Variants in ST3GAL3 observed in about 807,000 individuals in gnomAD.
ST3GAL3 encodes the protein ST3 beta-galactoside alpha-2,3-sialyltransferase 3, also known as CMP-N-acetylneuraminate-beta-1,4-galactoside alpha-2,3-sialyltransferase.
Under a neutral mutation model 50.1 loss-of-function variants are expected in ST3GAL3, and 21 were observed. The observed-to-expected ratio is 0.42, with a 90% CI of 0.30 to 0.60. The LOEUF (loss-of-function observed/expected upper bound fraction) is 0.60, where lower values mean the gene tolerates loss of function less well. ST3GAL3 is among the 20% of genes least tolerant of loss of function. The probability of loss-of-function intolerance (pLI) is 0.19; values close to 1 mark genes in which losing one functional copy is unlikely to be tolerated. For missense variants in ST3GAL3, 353 were observed against 489.4 expected (o/e 0.72, Z 2.63); for synonymous variants, 183 against 190.0 (o/e 0.96, Z 0.30).
chr1:43,714,432 C>CAAAAAAAAAA (rs35400929), intron 1 of ST3GAL3, among the ~76,000 whole-genome samples: 91 of 72,964 alleles, frequency 1.2e-3, no homozygotes, highest in East Asian at 2.2e-3. Context: ...TACTAAAATA[C>CAAAAAAAAAA]AAAAAAAAAA....
intron 9 of ST3GAL3, among the ~76,000 whole-genome samples, chr1:43,918,098 C>T (rs1229597665): frequency 2.1e-5 from 3 of 142,644 alleles, no homozygotes; most frequent in Admixed American, 1.5e-4. Context: ...ATAAAATAGA[C>T]ATCTAAATTT....
intron 2 of ST3GAL3, among the ~76,000 whole-genome samples, chr1:43,773,882 G>A (rs1476533576): frequency 6.6e-6 from 1 of 152,200 alleles, no homozygotes; most frequent in African/African-American, 2.4e-5. Context: ...CTGATGTGAT[G>A]CAGTAAGAAA....
intron 2 of ST3GAL3, among the ~76,000 whole-genome samples, chr1:43,744,102 A>G (rs1015638051): frequency 6.6e-6 from 1 of 152,130 alleles, no homozygotes; most frequent in Non-Finnish European, 1.5e-5. Context: ...ACCTTGTTTG[A>G]TTGGAGAATT....
intron 5 of ST3GAL3, among the ~76,000 whole-genome samples, chr1:43,890,576 A>G (rs959682482): frequency 3.9e-5 from 6 of 152,216 alleles, no homozygotes; most frequent in African/African-American, 1.4e-4. Flanking sequence ...AGAGAGACGA[A>G]GTGGAAAGTG....
intron 9 of ST3GAL3, chr1:43,913,481 C>T (rs1304505438): frequency 6.6e-6 from 1 of 152,118 alleles, no homozygotes; most frequent in African/African-American, 2.4e-5. Flanking sequence ...ACTCCCAAAG[C>T]TGCAGTGGTA....
At chr1:43,903,946 A>C (rs560784103) in intron 9 of ST3GAL3, among the ~76,000 whole-genome samples, 31 of 152,324 alleles carry the variant, frequency 2.0e-4, no homozygotes, top group Non-Finnish European at 3.8e-4. Flanking sequence ...GAAATCTAGA[A>C]GCATCTAGCA....
At chr1:43,817,053 T>C (rs1479638682) in intron 4 of ST3GAL3, among the ~76,000 whole-genome samples, 1 of 152,238 alleles carries the variant, frequency 6.6e-6, no homozygotes, top group Non-Finnish European at 1.5e-5. Flanking sequence ...AGTTGTGTTA[T>C]ATTCTATTTC....
chr1:43,878,619 A>G (rs1376530968), intron 5 of ST3GAL3, among the ~76,000 whole-genome samples: 1 of 152,208 alleles, frequency 6.6e-6, no homozygotes, highest in Admixed American at 6.5e-5. Flanking sequence ...GGAGAGTAGT[A>G]GGAGATGAGA....
chr1:43,852,412 T>C (rs2154214985), intron 5 of ST3GAL3, among the ~76,000 whole-genome samples: 1 of 152,348 alleles, frequency 6.6e-6, no homozygotes, highest in South Asian at 2.1e-4. Context: ...CCCTACCCTG[T>C]GCACCACCAC....
At chr1:43,743,844 C>T (rs923780337) in intron 2 of ST3GAL3, 38 of 2,962 alleles carry the variant, frequency 0.013, no homozygotes, top group African/African-American at 0.032. Flanking sequence ...TTCTTTCATT[C>T]CCCCCCCCCC....
At chr1:43,733,842 G>A (rs1676996688) in intron 1 of ST3GAL3, among the ~76,000 whole-genome samples, 1 of 152,216 alleles carries the variant, frequency 6.6e-6, no homozygotes, top group African/African-American at 2.4e-5. Flanking sequence ...TTCACCGGGC[G>A]TGGTGGCTCA....
intron 2 of ST3GAL3, among the ~76,000 whole-genome samples, chr1:43,743,309 A>G (rs1681895086): frequency 7.6e-6 from 1 of 132,326 alleles, no homozygotes; most frequent in Non-Finnish European, 1.7e-5. Flanking sequence ...TAGGTACATC[A>G]TAGTTAGACT....
chr1:43,773,113 A>G (rs1695935084), intron 2 of ST3GAL3, among the ~76,000 whole-genome samples: 1 of 152,168 alleles, frequency 6.6e-6, no homozygotes, highest in Non-Finnish European at 1.5e-5. Context: ...GAATGCTCTG[A>G]TAAGTGAGAA....
intron 2 of ST3GAL3, among the ~76,000 whole-genome samples, chr1:43,757,597 CAAAAG>C (rs1246358560): frequency 2.0e-5 from 3 of 152,104 alleles, no homozygotes; most frequent in Non-Finnish European, 2.9e-5. Context: ...CAAAAACAAA[CAAAAG>C]AACACTGATT....
At chr1:43,924,173 C>G (rs995583905) in intron 11 of ST3GAL3, among the ~76,000 whole-genome samples, 2 of 152,160 alleles carry the variant, frequency 1.3e-5, no homozygotes, top group Non-Finnish European at 2.9e-5. Context: ...GCTGGGCCTC[C>G]TGTTGTCTCG....
intron 5 of ST3GAL3, among the ~76,000 whole-genome samples, chr1:43,852,046 A>G (rs188228222): frequency 6.6e-6 from 1 of 152,282 alleles, no homozygotes; most frequent in East Asian, 1.9e-4. Flanking sequence ...GAGCCCACCT[A>G]GTCATTGACT....
intron 2 of ST3GAL3, among the ~76,000 whole-genome samples, chr1:43,752,412 C>T (rs1253097943): frequency 1.3e-5 from 2 of 152,214 alleles, no homozygotes; most frequent in Non-Finnish European, 2.9e-5. Flanking sequence ...AGTAACAATA[C>T]TTGATATCTG....
chr1:43,873,916 G>A (rs768920876), intron 5 of ST3GAL3, among the ~76,000 whole-genome samples: 8 of 152,150 alleles, frequency 5.3e-5, no homozygotes, highest in Non-Finnish European at 1.2e-4. Flanking sequence ...AAGTGAATAT[G>A]GATGGAGGAG....
intron 2 of ST3GAL3, among the ~76,000 whole-genome samples, chr1:43,778,806 C>G (rs1186041167): frequency 6.6e-6 from 1 of 151,630 alleles, no homozygotes; most frequent in African/African-American, 2.4e-5. Context: ...CCACAACGCC[C>G]GGCTAATTTT....
Sources: gnomAD v4.1 joint callset for allele counts (sites outside exome capture counted in the v4.1 genomes callset) on GRCh38, gnomAD v4.1.1 for gene constraint, MANE v1.5 for transcripts, NCBI Gene and HGNC (gene_info 2026-07-23, HGNC 2026-07-21) for gene names.